PCDHA6: variants seen among roughly 807,000 people sequenced by gnomAD.
The protein encoded by PCDHA6 is protocadherin alpha 6.
PCDHA6 carries 55 observed loss-of-function variants against 60.3 expected under a neutral mutation model. That is an observed-to-expected ratio of 0.91 (90% CI 0.73 to 1.14). PCDHA6 has a LOEUF of 1.14. PCDHA6 is among the 50% of genes most tolerant of loss of function. The pLI is 0.00. For synonymous variants in PCDHA6, 652 were observed against 557.9 expected (o/e 1.17, Z -2.38); for missense variants, 1,327 against 1,256.5 (o/e 1.06, Z -0.85).
At chr5:140,885,050 C>T (rs1183142093) in intron 1 of PCDHA6, among the ~76,000 whole-genome samples, 3 of 152,164 alleles carry the variant, frequency 2.0e-5, no homozygotes, top group African/African-American at 7.2e-5. Context: ...TTAATGTATA[C>T]ATATACCCAC....
intron 3 of PCDHA6, among the ~76,000 whole-genome samples, chr5:141,007,395 C>CAAA (rs35800918): frequency 7.4e-5 from 7 of 94,852 alleles, no homozygotes; most frequent in Non-Finnish European, 1.2e-4. Flanking sequence ...TACTAAAATA[C>CAAA]AAAAAAAAAA....
intron 1 of PCDHA6, among the ~76,000 whole-genome samples, chr5:140,963,448 A>G (rs567394961): frequency 1.3e-5 from 2 of 152,370 alleles, no homozygotes; most frequent in Non-Finnish European, 2.9e-5. Flanking sequence ...CTCTGTTGCT[A>G]AAGTATTTCT....
At chr5:140,837,029 A>G (rs1774885010) in intron 1 of PCDHA6, 1 of 233,596 alleles carries the variant, frequency 4.3e-6, no homozygotes, top group Admixed American at 5.1e-5. Context: ...TCTATAGTGT[A>G]TTTACAAAAT....
intron 3 of PCDHA6, among the ~76,000 whole-genome samples, chr5:141,007,395 C>CAAAAAAAAAAAAAA (rs35800918): frequency 1.1e-5 from 1 of 94,866 alleles, no homozygotes; most frequent in Non-Finnish European, 2.1e-5. Context: ...TACTAAAATA[C>CAAAAAAAAAAAAAA]AAAAAAAAAA....
Position 140,883,762 on chromosome 5 carries a change from G to A in PCDHA6, c.2394+53277G>A, listed in dbSNP as rs782515575. 5 of 1,612,794 alleles carry A rather than the reference G, an allele frequency of 3.1e-6. No homozygotes were observed. The South Asian group carries it at 5.5e-5, about 18-fold the overall frequency. On this transcript the variant is annotated intron_variant, in intron 1 of 3. Coordinates refer to ENST00000529310, the MANE Select transcript of PCDHA6 (RefSeq NM_018909.4). ...TCTCCTACTCGCTGGTGGAGCGGCG[G>A]GTGGGCGAGCGTGCGCTGTCGAGCT... is the stretch of plus-strand genomic sequence containing the variant.
At chr5:140,867,714 T>C (rs1345564202) in intron 1 of PCDHA6, 1 of 152,070 alleles carries the variant, frequency 6.6e-6, no homozygotes, top group Non-Finnish European at 1.5e-5. Flanking sequence ...CCTAAGGGTA[T>C]ATGAAAAGAC....
chr5:140,862,977 T>A, intron 1 of PCDHA6: 1 of 545,432 alleles, frequency 1.8e-6, no homozygotes, highest in East Asian at 4.8e-5. Context: ...GGCCACTTGG[T>A]GGCGAAGGTG....
At chr5:140,832,109 C>T (rs2150199824) in intron 1 of PCDHA6, among the ~76,000 whole-genome samples, 14 of 152,240 alleles carry the variant, frequency 9.2e-5, no homozygotes, top group African/African-American at 3.4e-4. Flanking sequence ...ACATTAAAAG[C>T]AATTTAAAAT....
At chr5:140,966,868 G>A (rs781853403) in intron 1 of PCDHA6, 47 of 1,580,198 alleles carry the variant, frequency 3.0e-5, no homozygotes, top group Non-Finnish European at 3.7e-5. Flanking sequence ...TGTTGCTGCT[G>A]CTGCTACCTG....
intron 1 of PCDHA6, among the ~76,000 whole-genome samples, chr5:140,911,798 T>C (rs1387986120): frequency 6.6e-6 from 1 of 152,178 alleles, no homozygotes; most frequent in Non-Finnish European, 1.5e-5. Context: ...GGTCTAATCA[T>C]ATTAAGCAGC....
intron 1 of PCDHA6, among the ~76,000 whole-genome samples, chr5:140,955,954 T>C (rs782364189): frequency 2.0e-5 from 3 of 152,184 alleles, no homozygotes; most frequent in Non-Finnish European, 2.9e-5. Context: ...TACTTGCTTG[T>C]TGTTTGTGCA....
chr5:140,982,071 G>A (rs1484711558), intron 2 of PCDHA6, among the ~76,000 whole-genome samples: 12 of 151,172 alleles, frequency 7.9e-5, no homozygotes, highest in Admixed American at 7.9e-4. Flanking sequence ...TTCTTCTTTA[G>A]AGTAGAGAAC....
At chr5:140,839,779 T>A (rs1475940680) in intron 1 of PCDHA6, among the ~76,000 whole-genome samples, 1 of 152,032 alleles carries the variant, frequency 6.6e-6, no homozygotes, top group Non-Finnish European at 1.5e-5. Context: ...TGGTAAGAAT[T>A]TTGTAGAAAT....
intron 2 of PCDHA6, among the ~76,000 whole-genome samples, chr5:140,981,152 C>T (rs1340087244): frequency 6.6e-6 from 1 of 152,210 alleles, no homozygotes; most frequent in African/African-American, 2.4e-5. Flanking sequence ...AAACATTGAA[C>T]TTATATGTTG....
At chr5:140,997,911 C>T (rs2097790216) in intron 3 of PCDHA6, among the ~76,000 whole-genome samples, 1 of 152,120 alleles carries the variant, frequency 6.6e-6, no homozygotes, top group East Asian at 1.9e-4. Context: ...AGTAGAATTA[C>T]AGAATCATAG....
chr5:140,837,977 C>A (rs1377931639), intron 1 of PCDHA6, among the ~76,000 whole-genome samples: 4 of 151,682 alleles, frequency 2.6e-5, no homozygotes, highest in African/African-American at 4.9e-5. Flanking sequence ...CCACACCCAG[C>A]CTGCCTTTCA....
intron 1 of PCDHA6, among the ~76,000 whole-genome samples, chr5:140,871,887 G>T (rs1294459270): frequency 6.6e-6 from 1 of 152,170 alleles, no homozygotes; most frequent in Non-Finnish European, 1.5e-5. Flanking sequence ...GCTCCTCTTT[G>T]TCTTTTAGCA....
chr5:140,866,149 T>C (rs1554160036), intron 1 of PCDHA6: 1 of 152,130 alleles, frequency 6.6e-6, no homozygotes, highest in Non-Finnish European at 1.5e-5. Flanking sequence ...GGAAGTGATA[T>C]AAGTAAGAAT....
chr5:140,843,388 G>C lies in PCDHA6; in HGVS notation c.2394+12903G>C, dbSNP rs1411961192. On this transcript the variant is annotated intron_variant, in intron 1 of 3. Coordinates refer to ENST00000529310, the MANE Select transcript of PCDHA6 (RefSeq NM_018909.4). ...GGCAGTCGGCTGGCGTTTTGGGTCC[G>C]GAAGCGGCGCTGGTGGATGTCAACG... 45 of 1,595,950 alleles carry C rather than the reference G, an allele frequency of 2.8e-5. 4 individuals are homozygous for C. The highest frequency in any genetic ancestry group is 3.9e-5 in the Non-Finnish European group (45 of 1,165,580).
Sources: allele counts gnomAD v4.1 joint callset (sites outside exome capture counted in the v4.1 genomes callset), GRCh38; gene constraint gnomAD v4.1.1; transcripts MANE v1.5; gene names NCBI Gene and HGNC (gene_info 2026-07-23, HGNC 2026-07-21).